The following MCF2 variants were observed in gnomAD, a reference collection of about 807,000 sequenced individuals.
MCF2 encodes the protein MCF.2 cell line derived transforming sequence.
In MCF2, 44 loss-of-function variants were observed where a neutral mutation model predicts 82.5. The observed-to-expected ratio is 0.53, with a 90% CI of 0.42 to 0.69. The LOEUF (loss-of-function observed/expected upper bound fraction) is 0.69, where lower values mean the gene tolerates loss of function less well. Ranked by LOEUF, MCF2 falls within the 30% of genes least tolerant of loss-of-function variation. The probability of loss-of-function intolerance (pLI) is 0.00; values close to 1 mark genes in which losing one functional copy is unlikely to be tolerated. For synonymous variants in MCF2, 217 were observed against 224.9 expected, an observed-to-expected ratio of 0.96 and a Z score of 0.32; for missense variants, 623 against 663.1, an observed-to-expected ratio of 0.94 and a Z score of 0.66.
chrX:139,594,315 A>G (rs1229826381), intron 19 of MCF2, among the ~76,000 whole-genome samples: 1 of 111,402 alleles, frequency 9.0e-6, no homozygotes, highest in Non-Finnish European at 1.9e-5. Flanking sequence ...ACGCTACCTG[A>G]CTTCAAACTA....
At chrX:139,652,207 C>T (rs967470803) in intron 1 of MCF2, among the ~76,000 whole-genome samples, 2 of 111,793 alleles carry the variant, frequency 1.8e-5, no homozygotes, top group Non-Finnish European at 3.8e-5. Flanking sequence ...ATTTTTTAAT[C>T]TTATTGAATC....
intron 20 of MCF2, among the ~76,000 whole-genome samples, 186 bp downstream of exon 24, chrX:139,589,649 A>G (rs1317437461): frequency 8.9e-6 from 1 of 112,267 alleles, no homozygotes; most frequent in Non-Finnish European, 1.9e-5. Context: ...CACCACAGGC[A>G]TATCTCAATG....
intron 1 of MCF2, among the ~76,000 whole-genome samples, chrX:139,637,080 A>C (rs1933268969): frequency 8.9e-6 from 1 of 112,025 alleles, no homozygotes; most frequent in African/African-American, 3.2e-5. Context: ...TCATTTATTG[A>C]CTACATAATA....
chrX:139,648,835 G>A (rs1303556906), intron 2 of MCF2, among the ~76,000 whole-genome samples: 1 of 112,084 alleles, frequency 8.9e-6, no homozygotes, highest in Non-Finnish European at 1.9e-5. Flanking sequence ...TAAAGTGGTC[G>A]ATTCATCAAT....
chrX:139,619,219 A>G (rs1453842114), intron 7 of MCF2, among the ~76,000 whole-genome samples: 1 of 111,006 alleles, frequency 9.0e-6, no homozygotes, highest in Admixed American at 9.7e-5. Flanking sequence ...CCATTGTCTC[A>G]GTGACCTCCT....
chrX:139,696,269 C>T (rs1370281515), intron 1 of MCF2, among the ~76,000 whole-genome samples: 6 of 96,190 alleles, frequency 6.2e-5, no homozygotes, highest in Admixed American at 5.9e-4. Flanking sequence ...CCCTCCCTTC[C>T]CTCCCTCCCT....
intron 1 of MCF2, among the ~76,000 whole-genome samples, chrX:139,636,377 C>A (rs1176885320): frequency 8.9e-6 from 1 of 111,984 alleles, no homozygotes; most frequent in Non-Finnish European, 1.9e-5. Context: ...CTTTTGCCAA[C>A]ATTTAAAGCA....
At chrX:139,667,166 T>A (rs1438626924) in intron 1 of MCF2, among the ~76,000 whole-genome samples, 4 of 108,839 alleles carry the variant, frequency 3.7e-5, no homozygotes, top group Non-Finnish European at 5.7e-5. Flanking sequence ...TGTATCTCAC[T>A]GAGCTTCTTT....
Position 139,631,525 on chromosome X carries a change from CA to C in MCF2, c.172-15del. 3.9e-6 allele frequency: 4 copies of C among 1,022,453 alleles called. No individual in the cohort carries two copies. Among genetic ancestry groups the C allele is most frequent in the African/African-American group, 1.9e-5 (1 of 53,742 alleles). The allele number at this position is 1,022,453 out of a possible 1,213,427, so 84.3% of individuals were successfully genotyped here. A position where few individuals can be genotyped will look rare whatever the true frequency, so the allele number is the denominator to read the frequency against. ...CAGCATAACAACCTATATAAATAAG[CA>C]AAAAAGATACTGTTAACTGCCCTTC... On this transcript the variant is annotated splice_polypyrimidine_tract_variant and intron_variant, in intron 2 of 24. Transcript: ENST00000370576.
intron 19 of MCF2, among the ~76,000 whole-genome samples, chrX:139,595,207 C>G (rs1929947872): frequency 9.2e-6 from 1 of 108,225 alleles, no homozygotes; most frequent in Admixed American, 9.9e-5. Flanking sequence ...TACCATTTGA[C>G]CCAGCCATCC....
chrX:139,606,953 A>T (rs1349839252), intron 12 of MCF2, among the ~76,000 whole-genome samples: 1 of 111,334 alleles, frequency 9.0e-6, no homozygotes. Flanking sequence ...TTACAACTGT[A>T]ACATCAAATT....
chrX:139,661,335 T>C (rs1041729549), intron 1 of MCF2, among the ~76,000 whole-genome samples: 2 of 111,796 alleles, frequency 1.8e-5, no homozygotes, highest in Non-Finnish European at 3.8e-5. Context: ...ACAGGCTTCT[T>C]GAAAGCCTCT....
rs1931142908 is a variant in MCF2, at chrX:139,607,548, G to T, written c.1490+143C>A. The stretch of plus-strand genomic sequence containing the variant: ...AATCACATAAATAGGCTATAGGTTG[G>T]CCAGGCCTAAATCCTGGACTTCTGA... On this transcript the variant is annotated intron_variant, in intron 12 of 24. Transcript: ENST00000370576. 7 of 338,987 alleles carry T rather than the reference G, an allele frequency of 2.1e-5. No individual in the cohort carries two copies. In the South Asian group the frequency reaches 8.0e-4, roughly 39 times the overall value. 27.9% of individuals were successfully genotyped at this position (338,987 alleles called of 1,213,427 possible).
At chrX:139,656,337 C>T (rs907597095) in intron 1 of MCF2, among the ~76,000 whole-genome samples, 8 of 112,321 alleles carry the variant, frequency 7.1e-5, no homozygotes, top group Non-Finnish European at 1.5e-4. Context: ...GCTGGGATTA[C>T]AGGCGTGAGC....
chrX:139,694,530 G>A (rs1182552292), intron 1 of MCF2, among the ~76,000 whole-genome samples: 1 of 111,141 alleles, frequency 9.0e-6, no homozygotes, highest in African/African-American at 3.3e-5. Flanking sequence ...ATAGAACTGT[G>A]AATCCAGAGA....
At chrX:139,678,308 C>T (rs939476174) in intron 1 of MCF2, among the ~76,000 whole-genome samples, 1 of 112,015 alleles carries the variant, frequency 8.9e-6, no homozygotes, top group Admixed American at 9.5e-5. Context: ...ACAATTTCCA[C>T]CTTCACGCTA....
rs184996879 is a variant in MCF2 at position 139,668,542 on chromosome X, C to T, written c.-44-16754G>A. Among the ~76,000 whole-genome samples, 242 of 111,424 alleles carry T rather than the reference C, an allele frequency of 2.2e-3. 1 individual carries two copies. The highest frequency in any genetic ancestry group is 7.6e-3 in the African/African-American group (234 of 30,651). On this transcript the variant is annotated intron_variant, in intron 1 of 27. Transcript: ENST00000414978. ...TAAAAGTCTCTCACTTAACCTTTCC[C>T]TGTGTTGGGAAGTCACTCCCAGCTG...
intron 1 of MCF2, among the ~76,000 whole-genome samples, chrX:139,683,662 A>G (rs1167462000): frequency 1.8e-5 from 2 of 112,606 alleles, no homozygotes; most frequent in Non-Finnish European, 3.7e-5. Context: ...TTGAAAGTCC[A>G]GAAATAGATC....
intron 12 of MCF2, 158 bp downstream of exon 16, chrX:139,607,533 A>G: frequency 3.3e-6 from 1 of 300,571 alleles, no homozygotes; most frequent in East Asian, 5.1e-5. Context: ...AATCACATAA[A>G]TAGGCTATAG....
Sources: allele counts gnomAD v4.1 joint callset (sites outside exome capture counted in the v4.1 genomes callset), GRCh38; gene constraint gnomAD v4.1.1; transcripts MANE v1.5; gene names NCBI Gene and HGNC (gene_info 2026-07-23, HGNC 2026-07-21).